Variants in EBF1 observed in about 807,000 individuals in gnomAD.
The protein encoded by EBF1 is EBF transcription factor 1.
Under a neutral mutation model 68.4 loss-of-function variants are expected in EBF1, and 10 were observed. The observed-to-expected ratio is 0.15, with a 90% confidence interval of 0.09 to 0.25. EBF1 has a LOEUF of 0.25. EBF1 is among the 10% of genes least tolerant of loss of function. EBF1 has a pLI of 1.00. For synonymous variants in EBF1, 298 were observed against 299.8 expected (o/e 0.99, Z 0.06); for missense variants, 509 against 794.4 (o/e 0.64, Z 4.32).
chr5:158,737,527 G>A (rs1188365943), intron 10 of EBF1, among the ~76,000 whole-genome samples: 2 of 151,736 alleles, frequency 1.3e-5, no homozygotes, highest in African/African-American at 4.8e-5. Flanking sequence ...CTCGTGATCC[G>A]CCCGCTTCGG....
chr5:159,046,447 G>C (rs546592847), intron 6 of EBF1, among the ~76,000 whole-genome samples: 2 of 152,168 alleles, frequency 1.3e-5, no homozygotes, highest in Non-Finnish European at 1.5e-5. Context: ...TAACATAAGC[G>C]GAATGTGTAA....
At chr5:158,941,343 T>C (rs1813330168) in intron 6 of EBF1, 1 of 441,496 alleles carries the variant, frequency 2.3e-6, no homozygotes, top group African/African-American at 2.0e-5. Context: ...GAACCCAGCT[T>C]TTCAGAGGCA....
chr5:158,752,549 A>G lies in EBF1; in HGVS notation c.1037-21392T>C, dbSNP rs141486567. 9.2e-5 allele frequency among the ~76,000 whole-genome samples: 14 copies of G among 152,188 alleles called. No individual in the cohort carries two copies. The East Asian group carries it at 2.5e-3, about 27-fold the overall frequency. ...TGTTAAAGTAACTGAAATCAAGAACAATACTGGAAATAAGAACAGTCTACA... is the reference window on the plus strand; with the variant it reads ...TGTTAAAGTAACTGAAATCAAGAACGATACTGGAAATAAGAACAGTCTACA... On this transcript the variant is annotated intron_variant, in intron 10 of 15. Coordinates refer to ENST00000313708, the MANE Select transcript of EBF1 (RefSeq NM_024007.5).
chr5:158,912,950 A>C (rs1365045542), intron 6 of EBF1, among the ~76,000 whole-genome samples: 1 of 152,208 alleles, frequency 6.6e-6, no homozygotes, highest in Non-Finnish European at 1.5e-5. Context: ...ATGCCTGCCT[A>C]TCCAGGACCA....
intron 8 of EBF1, among the ~76,000 whole-genome samples, chr5:158,821,124 C>T (rs1784732656): frequency 6.6e-6 from 1 of 152,092 alleles, no homozygotes; most frequent in Non-Finnish European, 1.5e-5. Flanking sequence ...ATCTACATTA[C>T]CTGCCCCCAC....
chr5:158,862,894 G>C lies in EBF1; in HGVS notation c.555-22784C>G, dbSNP rs183197662. On this transcript the variant is annotated intron_variant, in intron 6 of 15. Coordinates refer to ENST00000313708, the MANE Select transcript of EBF1 (RefSeq NM_024007.5). ...GCTCAGGAACAGCAGTCCTTCATTAGACTCACATTCTTGAACGATTGAATT... is the reference window on the plus strand; with the variant it reads ...GCTCAGGAACAGCAGTCCTTCATTACACTCACATTCTTGAACGATTGAATT... 8.5e-5 allele frequency among the ~76,000 whole-genome samples: 13 copies of C among 152,288 alleles called. No individual in the cohort carries two copies. In the East Asian group the frequency reaches 1.2e-3, roughly 14 times the overall value.
At chr5:158,728,858 C>A (rs1160640098) in intron 11 of EBF1, among the ~76,000 whole-genome samples, 1 of 152,128 alleles carries the variant, frequency 6.6e-6, no homozygotes, top group East Asian at 1.9e-4. Flanking sequence ...AGCCACTGCT[C>A]GATAAGTATT....
At chr5:159,044,714 CTGT>C (rs1300699837) in intron 6 of EBF1, among the ~76,000 whole-genome samples, 1 of 152,166 alleles carries the variant, frequency 6.6e-6, no homozygotes, top group Non-Finnish European at 1.5e-5. Context: ...CTATTACTCA[CTGT>C]TGTTGTCATT....
At chr5:158,822,251 T>G (rs975149998) in intron 8 of EBF1, among the ~76,000 whole-genome samples, 3 of 149,060 alleles carry the variant, frequency 2.0e-5, no homozygotes, top group African/African-American at 7.5e-5. Flanking sequence ...CACTCATTCT[T>G]GGATGGACGG....
At chr5:159,025,955 A>T (rs1424297589) in intron 6 of EBF1, among the ~76,000 whole-genome samples, 1 of 152,190 alleles carries the variant, frequency 6.6e-6, no homozygotes, top group Non-Finnish European at 1.5e-5. Context: ...CTATTTGGGG[A>T]TATGTTTGAT....
chr5:158,705,108 A>G (rs557989665), intron 15 of EBF1, among the ~76,000 whole-genome samples: 6 of 152,202 alleles, frequency 3.9e-5, no homozygotes, highest in Admixed American at 6.5e-5. Flanking sequence ...CAGTCATCCT[A>G]GTAGCTAGAA....
intron 15 of EBF1, among the ~76,000 whole-genome samples, chr5:158,702,954 T>C (rs1046158200): frequency 2.6e-5 from 4 of 152,098 alleles, no homozygotes; most frequent in Non-Finnish European, 4.4e-5. Flanking sequence ...CATCAGTATA[T>C]GGATACTACT....
intron 6 of EBF1, among the ~76,000 whole-genome samples, chr5:159,019,680 A>G (rs1199578187): frequency 6.6e-6 from 1 of 152,250 alleles, no homozygotes; most frequent in African/African-American, 2.4e-5. Context: ...GCAAAATTCA[A>G]GAAGAGGTTT....
chr5:158,878,792 T>TG (rs1484855758), intron 6 of EBF1, among the ~76,000 whole-genome samples: 1 of 152,036 alleles, frequency 6.6e-6, no homozygotes, highest in African/African-American at 2.4e-5. Context: ...TACAGGGATG[T>TG]GCCACGGTGC....
chr5:158,787,867 A>G (rs1445989012), intron 9 of EBF1, among the ~76,000 whole-genome samples: 1 of 152,256 alleles, frequency 6.6e-6, no homozygotes, highest in Non-Finnish European at 1.5e-5. Context: ...TTACATTAAG[A>G]CATTTATGTG....
At chr5:158,937,233 A>G (rs1333257014) in intron 6 of EBF1, among the ~76,000 whole-genome samples, 1 of 152,090 alleles carries the variant, frequency 6.6e-6, no homozygotes, top group East Asian at 1.9e-4. Flanking sequence ...TCTTTCAAAG[A>G]GATTTTTATT....
At chr5:158,921,345 T>C (rs1219081495) in intron 6 of EBF1, among the ~76,000 whole-genome samples, 1 of 152,194 alleles carries the variant, frequency 6.6e-6, no homozygotes, top group African/African-American at 2.4e-5. Context: ...ACTGCCTTAA[T>C]AGCTTTCCAA....
At chr5:158,772,581 C>G (rs1490668626) in intron 10 of EBF1, among the ~76,000 whole-genome samples, 1 of 152,142 alleles carries the variant, frequency 6.6e-6, no homozygotes, top group Non-Finnish European at 1.5e-5. Context: ...TACATTTACA[C>G]TTATGCATTT....
Position 158,865,936 on chromosome 5 carries a change from C to G in EBF1, c.555-25826G>C, listed in dbSNP as rs190950011. Among the ~76,000 whole-genome samples the G allele has an allele frequency of 3.7e-3, 567 of 152,284 alleles. 5 individuals carry two copies. The highest frequency in any genetic ancestry group is 5.1e-3 in the Non-Finnish European group (347 of 68,016). On this transcript the variant is annotated intron_variant, in intron 6 of 15. Transcript: ENST00000313708. ...CATCGTTGGAGCAAATACGTTAGTC[C>G]TCAATAAATACTAGTAAGAGTGGAG...
Sources: allele counts gnomAD v4.1 joint callset (sites outside exome capture counted in the v4.1 genomes callset), GRCh38; gene constraint gnomAD v4.1.1; transcripts MANE v1.5; gene names NCBI Gene and HGNC (gene_info 2026-07-23, HGNC 2026-07-21).